The following PCSK6 variants were observed in gnomAD, a reference collection of about 807,000 sequenced individuals.
PCSK6 encodes the protein paired basic amino acid cleaving enzyme 4.
In PCSK6, 85 loss-of-function variants were observed where a neutral mutation model predicts 123.3. The observed-to-expected ratio is 0.69, with a 90% CI of 0.58 to 0.83. The LOEUF (loss-of-function observed/expected upper bound fraction) is 0.83, where lower values mean the gene tolerates loss of function less well. Among genes scored for constraint, PCSK6 ranks in the 40% least tolerant of loss-of-function variants. PCSK6 has a pLI of 0.00. For missense variants in PCSK6, 1,191 were observed against 1,282.3 expected (o/e 0.93, Z 1.09); for synonymous variants, 508 against 516.0 (o/e 0.98, Z 0.21).
intron 1 of PCSK6, among the ~76,000 whole-genome samples, chr15:101,487,141 T>C (rs934632277): frequency 6.6e-6 from 1 of 152,186 alleles, no homozygotes; most frequent in African/African-American, 2.4e-5. Context: ...ACATTAGCAG[T>C]GCACTTAGAG....
intron 6 of PCSK6, among the ~76,000 whole-genome samples, chr15:101,418,253 A>G (rs1232375670): frequency 6.6e-6 from 1 of 152,208 alleles, no homozygotes; most frequent in African/African-American, 2.4e-5. Flanking sequence ...CACTTCAGAA[A>G]TCAGGCACTA....
At position 101,460,100 on chromosome 15, in the gene PCSK6, C is replaced by CT. The variant is rs529896144; in HGVS notation, c.298-16441dup. ...CAGCCACATGGCCACCACTATGCCC[C>CT]TATGAACCGTCACACAGGTCCCTCT... On this transcript the variant is annotated intron_variant, in intron 1 of 21. Transcript: ENST00000611716. Among the ~76,000 whole-genome samples, 155 of 152,168 alleles carry CT rather than the reference C, an allele frequency of 1.0e-3. 1 individual carries two copies. The highest frequency in any genetic ancestry group is 2.9e-3 in the African/African-American group (119 of 41,498).
chr15:101,367,942 A>T (rs1426923921), intron 12 of PCSK6, among the ~76,000 whole-genome samples: 2 of 152,216 alleles, frequency 1.3e-5, no homozygotes, highest in East Asian at 3.8e-4. Context: ...CTCTTGCCTC[A>T]GCCTCCCAAG....
intron 13 of PCSK6, among the ~76,000 whole-genome samples, chr15:101,357,828 G>A (rs1425149020): frequency 6.6e-6 from 1 of 152,138 alleles, no homozygotes; most frequent in African/African-American, 2.4e-5. Context: ...GTGGTTGATA[G>A]AGATCTTCTC....
At chr15:101,426,540 G>A (rs894163166) in intron 6 of PCSK6, among the ~76,000 whole-genome samples, 16 of 152,206 alleles carry the variant, frequency 1.1e-4, no homozygotes, top group South Asian at 2.1e-4. Flanking sequence ...TGCAGAACGC[G>A]CCCTTGGGGG....
chr15:101,314,038 T>C (rs1157447553), intron 19 of PCSK6, among the ~76,000 whole-genome samples: 1 of 152,214 alleles, frequency 6.6e-6, no homozygotes, highest in African/African-American at 2.4e-5. Flanking sequence ...GCCCTTCCAT[T>C]GCACAGAACG....
chr15:101,373,678 C>T (rs1431475927), intron 11 of PCSK6, among the ~76,000 whole-genome samples: 1 of 152,108 alleles, frequency 6.6e-6, no homozygotes, highest in African/African-American at 2.4e-5. Context: ...AATAAGGAAG[C>T]CATCTATCAA....
At chr15:101,315,682 G>C (rs2039974158) in intron 19 of PCSK6, among the ~76,000 whole-genome samples, 1 of 152,276 alleles carries the variant, frequency 6.6e-6, no homozygotes, top group Non-Finnish European at 1.5e-5. Context: ...GCTCATGCTT[G>C]AGGGCTGACC....
chr15:101,487,583 A>T (rs2058048776), intron 1 of PCSK6, among the ~76,000 whole-genome samples: 1 of 152,044 alleles, frequency 6.6e-6, no homozygotes, highest in Non-Finnish European at 1.5e-5. Flanking sequence ...GTGAGCTCAC[A>T]GCTCAATTTC....
chr15:101,321,767 T>C (rs2040128143), intron 18 of PCSK6, among the ~76,000 whole-genome samples: 1 of 152,160 alleles, frequency 6.6e-6, no homozygotes, highest in African/African-American at 2.4e-5. Context: ...TCGTGGGCTC[T>C]GCCCAGACCT....
chr15:101,465,225 T>G (rs897576698), intron 1 of PCSK6, among the ~76,000 whole-genome samples: 1 of 152,232 alleles, frequency 6.6e-6, no homozygotes, highest in African/African-American at 2.4e-5. Context: ...CAGACTCGCA[T>G]GGCCACTTGT....
intron 1 of PCSK6, among the ~76,000 whole-genome samples, chr15:101,481,240 C>T (rs139205421): frequency 2.4e-4 from 36 of 152,154 alleles, no homozygotes; most frequent in Admixed American, 8.5e-4. Context: ...AGGGTACATC[C>T]GGCGGGCTGG....
intron 6 of PCSK6, among the ~76,000 whole-genome samples, chr15:101,416,793 T>G (rs2055903287): frequency 6.6e-6 from 1 of 152,242 alleles, no homozygotes; most frequent in Non-Finnish European, 1.5e-5. Context: ...AACTTCCACT[T>G]GTGTGTTGAG....
chr15:101,372,933 C>T (rs1272047709), intron 11 of PCSK6, among the ~76,000 whole-genome samples: 1 of 152,076 alleles, frequency 6.6e-6, no homozygotes, highest in Non-Finnish European at 1.5e-5. Flanking sequence ...TAGAAATAGA[C>T]CTGGAATCCT....
chr15:101,485,493 G>A (rs542298361), intron 1 of PCSK6, among the ~76,000 whole-genome samples: 3 of 151,956 alleles, frequency 2.0e-5, no homozygotes, highest in South Asian at 4.2e-4. Context: ...TCCTTTCCCG[G>A]TGTGACAAAG....
At chr15:101,452,168 TA>T (rs1402376779) in intron 1 of PCSK6, among the ~76,000 whole-genome samples, 7 of 152,374 alleles carry the variant, frequency 4.6e-5, no homozygotes, top group Non-Finnish European at 1.0e-4. Flanking sequence ...TTCAACATCC[TA>T]AAAATTCCTG....
Position 101,398,613 on chromosome 15 carries a change from G to C in PCSK6, c.824-37C>G, listed in dbSNP as rs377465864. 1 of 1,588,650 alleles carries C rather than the reference G, an allele frequency of 6.3e-7. No individual in the cohort carries two copies. The highest frequency in any genetic ancestry group is 8.6e-7 in the Non-Finnish European group (1 of 1,166,648). On this transcript the variant is annotated intron_variant, in intron 6 of 21. Transcript: ENST00000611716. This position sits in a 1 kb window ranked among gnomAD's most constrained non-coding sequence, Gnocchi z 4.6. Reference sequence around the variant, plus strand: ...GAGGAGGCTCGGTGTCGGCGCCCAGGCTCCGGGCACACAGCGACGGGAACC... The same window carrying C: ...GAGGAGGCTCGGTGTCGGCGCCCAGCCTCCGGGCACACAGCGACGGGAACC...
chr15:101,358,109 A>T (rs893369327), intron 13 of PCSK6, among the ~76,000 whole-genome samples: 1 of 152,184 alleles, frequency 6.6e-6, no homozygotes, highest in Non-Finnish European at 1.5e-5. Context: ...CTGGCTCGTC[A>T]CTGCTGAGCC....
At chr15:101,482,039 G>A (rs780724116) in intron 1 of PCSK6, among the ~76,000 whole-genome samples, 7 of 152,242 alleles carry the variant, frequency 4.6e-5, no homozygotes, top group Non-Finnish European at 1.0e-4. Context: ...AGGGAGAAAC[G>A]GCGGCTGGTG....
Sources: allele counts gnomAD v4.1 joint callset (sites outside exome capture counted in the v4.1 genomes callset), GRCh38; gene constraint gnomAD v4.1.1; non-coding constraint Gnocchi (gnomAD v3.1); transcripts MANE v1.5; gene names NCBI Gene and HGNC (gene_info 2026-07-23, HGNC 2026-07-21).